FAM83F: variants seen among roughly 807,000 people sequenced by gnomAD.
FAM83F encodes protein FAM83F.
FAM83F carries 45 observed loss-of-function variants against 42.9 expected under a neutral mutation model. The observed-to-expected ratio is 1.05, with a 90% CI of 0.83 to 1.35. The LOEUF (loss-of-function observed/expected upper bound fraction) is 1.35. Ranked by LOEUF, FAM83F falls within the 40% of genes most tolerant of loss-of-function variation. The pLI is 0.00. For synonymous variants in FAM83F, 306 were observed against 298.3 expected, an observed-to-expected ratio of 1.03 and a Z score of -0.27; for missense variants, 617 against 695.9, an observed-to-expected ratio of 0.89 and a Z score of 1.28.
chr22:40,021,838 T>A lies in FAM83F; in HGVS notation c.1328T>A (p.Phe443Tyr), dbSNP rs1433457039. Residue 443 changes from phenylalanine (F) to tyrosine (Y), a missense_variant, in exon 4 of 5, where the codon TTC becomes TAC. Coordinates refer to ENST00000333407, the MANE Select transcript of FAM83F (RefSeq NM_138435.4). The surrounding 1 kb of genome is among the most constrained non-coding windows in gnomAD (Gnocchi z 8.7). ...APARRFSSRLFSRRAKRPAAP... is the reference protein window; with the variant it reads ...APARRFSSRLYSRRAKRPAAP... The stretch of plus-strand genomic sequence containing the variant: ...GCCAGGCGCTTCAGCAGCAGGCTCT[T>A]CAGTCGCCGAGCCAAGAGGCCTGCG... The A allele has an allele frequency of 6.2e-7, 1 of 1,612,430 alleles. No homozygotes were observed. The highest frequency in any genetic ancestry group is 1.7e-5 in the Admixed American group (1 of 60,000).
chr22:40,032,335 G>A lies in FAM83F; in HGVS notation c.*2770G>A, dbSNP rs1336347943. 2 of 152,242 alleles carry A rather than the reference G, an allele frequency of 1.3e-5. No individual in the cohort carries two copies. Among genetic ancestry groups the A allele is most frequent in the Non-Finnish European group, 2.9e-5 (2 of 68,062 alleles). The allele number at this position is 152,242 out of a possible 1,614,324, so 9.4% of individuals were successfully genotyped here. A position where few individuals can be genotyped will look rare whatever the true frequency, so the allele number is the denominator to read the frequency against. On this transcript the variant is annotated 3_prime_UTR_variant, in exon 5 of 5. Transcript: ENST00000333407. ...TGCCCCACAAGGGCAGTAAGCACAG[G>A]ACTTCTGGATGGATCTGGGAGCCTG...
At chr22:40,024,843 A>G (rs898848590) in intron 4 of FAM83F, among the ~76,000 whole-genome samples, 4 of 152,218 alleles carry the variant, frequency 2.6e-5, no homozygotes, top group African/African-American at 9.6e-5. Flanking sequence ...AACAGCATGC[A>G]AATTTTTGCA....
At chr22:39,996,835 G>A (rs1342538639) in intron 1 of FAM83F, among the ~76,000 whole-genome samples, 1 of 152,248 alleles carries the variant, frequency 6.6e-6, no homozygotes, top group Admixed American at 6.5e-5. Flanking sequence ...GTCTGACTGA[G>A]TTTTCTTTGT....
intron 4 of FAM83F, among the ~76,000 whole-genome samples, chr22:40,024,034 G>A (rs1447766280): frequency 1.3e-5 from 2 of 152,110 alleles, no homozygotes; most frequent in African/African-American, 4.8e-5. Flanking sequence ...TTGTTTTTAA[G>A]ACAATGTCTC....
At position 40,029,690 on chromosome 22, in the gene FAM83F, C is replaced by G. The variant is rs980763602; in HGVS notation, c.*125C>G. The G allele has an allele frequency of 5.7e-6, 8 of 1,400,188 alleles. No individual in the cohort carries two copies. Among genetic ancestry groups the G allele is most frequent in the Non-Finnish European group, 7.7e-6 (8 of 1,040,284 alleles). 86.7% of individuals were successfully genotyped at this position (1,400,188 alleles called of 1,614,324 possible). ...CGCCAACTGGCCTTCTGCCCTGCAG[C>G]CTCCGTCCTGGCCTCAGGGACGCTG... On this transcript the variant is annotated 3_prime_UTR_variant, in exon 5 of 5. Transcript: ENST00000333407.
intron 1 of FAM83F, among the ~76,000 whole-genome samples, chr22:40,002,437 G>A (rs2067407139): frequency 6.6e-6 from 1 of 152,194 alleles, no homozygotes; most frequent in Admixed American, 6.5e-5. Context: ...CTGAGGATGG[G>A]TGTTTCCCAG....
rs554640606 is a variant in FAM83F, at chr22:40,022,690, C to G, written c.1453+727C>G. 8.5e-4 allele frequency among the ~76,000 whole-genome samples: 129 copies of G among 152,302 alleles called. 1 individual carries two copies. Among genetic ancestry groups the G allele is most frequent in the Non-Finnish European group, 1.6e-3 (107 of 68,014 alleles). On this transcript the variant is annotated intron_variant, in intron 4 of 4. Coordinates refer to ENST00000333407, the MANE Select transcript of FAM83F (RefSeq NM_138435.4). ...TCTCTGCAGCAGTCTCTGGGGTGGC[C>G]TTTCAGGTGGCTGGTGGCGGTGCCT... is the stretch of plus-strand genomic sequence containing the variant.
intron 1 of FAM83F, among the ~76,000 whole-genome samples, chr22:40,004,729 C>T (rs757199933): frequency 8.5e-5 from 13 of 152,198 alleles, no homozygotes; most frequent in African/African-American, 1.4e-4. Flanking sequence ...TGAGCCACCG[C>T]GCCTAGCCTA....
chr22:40,022,922 AGGGAGCACAAGT>A (rs2067530511), intron 4 of FAM83F, among the ~76,000 whole-genome samples: 2 of 152,312 alleles, frequency 1.3e-5, no homozygotes, highest in East Asian at 3.9e-4. Context: ...GTGTGAGAGC[AGGGAGCACAAGT>A]GTCATCCCCT....
intron 1 of FAM83F, among the ~76,000 whole-genome samples, chr22:40,004,349 T>C (rs553603632): frequency 6.6e-6 from 1 of 151,134 alleles, no homozygotes; most frequent in African/African-American, 2.4e-5. Context: ...TCACCCAGGC[T>C]GGAGTGCAGT....
At chr22:40,006,065 C>T (rs1029846360) in intron 1 of FAM83F, among the ~76,000 whole-genome samples, 2 of 152,160 alleles carry the variant, frequency 1.3e-5, no homozygotes, top group Non-Finnish European at 2.9e-5. Context: ...CATGGCGAAG[C>T]CCCGTCTCTA....
rs907587322 is a variant in FAM83F at position 40,038,280 on chromosome 22, T to C, written c.*8715T>C. ...GAGGAGGAGGTAATCTCTGAGCCGA[T>C]ACCTGAGGAGTGAATGGAGGAGGGG... is the stretch of plus-strand genomic sequence containing the variant. On this transcript the variant is annotated 3_prime_UTR_variant, in exon 5 of 5. Coordinates refer to ENST00000333407, the MANE Select transcript of FAM83F (RefSeq NM_138435.4). The C allele has an allele frequency of 2.0e-5, 3 of 152,290 alleles. No homozygotes were observed. Among genetic ancestry groups the C allele is most frequent in the Non-Finnish European group, 4.4e-5 (3 of 68,126 alleles). 9.4% of individuals were successfully genotyped at this position (152,290 alleles called of 1,614,324 possible).
At chr22:40,012,439 CTT>C (rs2067470565) in intron 1 of FAM83F, among the ~76,000 whole-genome samples, 1 of 152,168 alleles carries the variant, frequency 6.6e-6, no homozygotes. Context: ...CCAGCCATCT[CTT>C]TGTTTTAATT....
At chr22:40,024,700 T>C (rs1178819603) in intron 4 of FAM83F, among the ~76,000 whole-genome samples, 1 of 152,174 alleles carries the variant, frequency 6.6e-6, no homozygotes, top group Non-Finnish European at 1.5e-5. Flanking sequence ...CTGCCTCTGT[T>C]CTTTCTGTCT....
rs532465531 is a variant in FAM83F at position 40,002,032 on chromosome 22, C to T, written c.489+6501C>T. 6.6e-5 allele frequency among the ~76,000 whole-genome samples: 10 copies of T among 152,304 alleles called. No individual in the cohort carries two copies. In the South Asian group the frequency reaches 1.5e-3, roughly 22 times the overall value. On this transcript the variant is annotated intron_variant, in intron 1 of 4. Coordinates refer to ENST00000333407, the MANE Select transcript of FAM83F (RefSeq NM_138435.4). Reference sequence around the variant, plus strand: ...GTGGTTGGTAAGGGCAGCTTTCTGCCGGCCTCCGAGCTGCCTTCGGGAGGC... The same window carrying T: ...GTGGTTGGTAAGGGCAGCTTTCTGCTGGCCTCCGAGCTGCCTTCGGGAGGC...
intron 4 of FAM83F, among the ~76,000 whole-genome samples, chr22:40,025,772 G>A (rs1220287241): frequency 1.3e-5 from 2 of 152,210 alleles, no homozygotes; most frequent in African/African-American, 4.8e-5. Flanking sequence ...CCACTGGGCA[G>A]GGCTTAGGAA....
At chr22:40,024,276 C>T (rs963365168) in intron 4 of FAM83F, among the ~76,000 whole-genome samples, 5 of 152,184 alleles carry the variant, frequency 3.3e-5, no homozygotes, top group African/African-American at 9.7e-5. Context: ...GGATTATAGG[C>T]ACAAGCCACC....
intron 2 of FAM83F, 124 bp from the exon 3 acceptor site, chr22:40,019,763 C>T (rs1239687179): frequency 7.5e-7 from 1 of 1,331,424 alleles, no homozygotes; most frequent in East Asian, 2.4e-5. Flanking sequence ...AGCAGAGCGT[C>T]TAGTGAAGAC....
rs7285314 is a variant in FAM83F, at chr22:40,032,812, G to T, written c.*3247G>T. 1 of 151,918 alleles carries T rather than the reference G, an allele frequency of 6.6e-6. No homozygotes were observed. Among genetic ancestry groups the T allele is most frequent in the African/African-American group, 2.4e-5 (1 of 41,364 alleles). The allele number at this position is 151,918 out of a possible 1,614,324, so 9.4% of individuals were successfully genotyped here. The stretch of plus-strand genomic sequence containing the variant: ...TCTTGATCTCCTGACCTTGTGATCC[G>T]CCCGCCTTGGCCTCCCAAAGTGCTG... On this transcript the variant is annotated 3_prime_UTR_variant, in exon 5 of 5. Transcript: ENST00000333407.
Sources: gnomAD v4.1 joint callset for allele counts (sites outside exome capture counted in the v4.1 genomes callset) on GRCh38, gnomAD v4.1.1 for gene constraint, Gnocchi (gnomAD v3.1) non-coding constraint, MANE v1.5 for transcripts, NCBI Gene and HGNC (gene_info 2026-07-23, HGNC 2026-07-21) for gene names.